The following WWTR1 variants were observed in gnomAD, a reference collection of about 807,000 sequenced individuals.
WWTR1 encodes WW domain containing transcription regulator 1.
In WWTR1, 13 loss-of-function variants were observed where a neutral mutation model predicts 40.1. That is an observed-to-expected ratio of 0.32 (90% confidence interval 0.21 to 0.52). WWTR1 has a LOEUF of 0.52. Among genes scored for constraint, WWTR1 ranks in the 20% least tolerant of loss-of-function variants. The pLI is 0.97. For synonymous variants in WWTR1, 230 were observed against 210.1 expected (o/e 1.09, Z -0.82); for missense variants, 436 against 523.1 (o/e 0.83, Z 1.63).
intron 2 of WWTR1, among the ~76,000 whole-genome samples, chr3:149,641,859 A>G (rs563460822): frequency 6.6e-6 from 1 of 152,378 alleles, no homozygotes; most frequent in East Asian, 1.9e-4. Flanking sequence ...CCTTTGCTTG[A>G]GAACACAGCT....
chr3:149,697,493 T>C (rs895357119), intron 1 of WWTR1, among the ~76,000 whole-genome samples: 5 of 152,066 alleles, frequency 3.3e-5, no homozygotes, highest in Admixed American at 2.0e-4. Flanking sequence ...GAAGAATCAA[T>C]ATTGTTAATA....
chr3:149,654,002 G>A (rs1713055427), intron 2 of WWTR1, among the ~76,000 whole-genome samples: 1 of 152,090 alleles, frequency 6.6e-6, no homozygotes, highest in South Asian at 2.1e-4. Context: ...GGGCATGGTA[G>A]CTCATGCCTG....
chr3:149,560,787 A>C (rs1033691171), intron 3 of WWTR1, among the ~76,000 whole-genome samples: 1 of 152,218 alleles, frequency 6.6e-6, no homozygotes, highest in Non-Finnish European at 1.5e-5. Context: ...AATGAAATGC[A>C]TGACATGTAC....
At chr3:149,624,038 C>A (rs935765199) in intron 2 of WWTR1, among the ~76,000 whole-genome samples, 1 of 152,192 alleles carries the variant, frequency 6.6e-6, no homozygotes, top group Non-Finnish European at 1.5e-5. Context: ...CACTTCCCTT[C>A]GTCCGGCCAC....
rs1483362052 is a variant in WWTR1, at chr3:149,695,793, A to AT, written c.-108+7330_-108+7331insA. Reference sequence around the variant, plus strand: ...AAAAAAACAAGAAAAGAAAAGAAAAAAATATATATATATATATTTAAAAAA... The same window carrying AT: ...AAAAAAACAAGAAAAGAAAAGAAAAATAATATATATATATATATTTAAAAAA... On this transcript the variant is annotated intron_variant, in intron 1 of 7. Transcript: ENST00000465804. Among the ~76,000 whole-genome samples, 1,220 of 139,664 alleles carry AT rather than the reference A, an allele frequency of 8.7e-3. 5 individuals are homozygous for AT. Among genetic ancestry groups the AT allele is most frequent in the East Asian group, 0.041 (194 of 4,752 alleles). The allele number at this position is 139,664 out of a possible 152,430, so 91.6% of individuals were successfully genotyped here. A position where few individuals can be genotyped will look rare whatever the true frequency, so the allele number is the denominator to read the frequency against.
intron 2 of WWTR1, among the ~76,000 whole-genome samples, chr3:149,581,043 A>T (rs1032990742): frequency 6.6e-6 from 1 of 152,228 alleles, no homozygotes; most frequent in Non-Finnish European, 1.5e-5. Flanking sequence ...ATAGCTCTTC[A>T]CATGGTTGAA....
intron 3 of WWTR1, among the ~76,000 whole-genome samples, chr3:149,570,009 T>C (rs1737543221): frequency 6.6e-6 from 1 of 152,214 alleles, no homozygotes; most frequent in Non-Finnish European, 1.5e-5. Flanking sequence ...TTTAAAGATA[T>C]ATAATAAAGA....
intron 2 of WWTR1, among the ~76,000 whole-genome samples, chr3:149,663,525 G>A (rs982385415): frequency 8.6e-5 from 13 of 151,720 alleles, no homozygotes; most frequent in Non-Finnish European, 1.6e-4. Flanking sequence ...GTGAAACCCC[G>A]TTTCTACTAA....
At chr3:149,564,324 CTA>C (rs1737211025) in intron 3 of WWTR1, among the ~76,000 whole-genome samples, 1 of 152,184 alleles carries the variant, frequency 6.6e-6, no homozygotes, top group South Asian at 2.1e-4. Context: ...ATCTTAGAGA[CTA>C]GTGAATAATC....
intron 2 of WWTR1, among the ~76,000 whole-genome samples, chr3:149,645,804 T>TA (rs1712487677): frequency 6.6e-6 from 1 of 152,080 alleles, no homozygotes; most frequent in Non-Finnish European, 1.5e-5. Context: ...TATTTTTTTT[T>TA]TAAATAAACA....
intron 2 of WWTR1, among the ~76,000 whole-genome samples, chr3:149,664,000 C>T (rs1489881957): frequency 6.6e-6 from 1 of 152,240 alleles, no homozygotes. Flanking sequence ...GTGGATTTTG[C>T]CCCTGCTATT....
At position 149,552,107 on chromosome 3, in the gene WWTR1, G is replaced by T. The variant is rs1396396917; in HGVS notation, c.569-9570C>A. Among the ~76,000 whole-genome samples, 2 of 145,406 alleles carry T rather than the reference G, an allele frequency of 1.4e-5. 1 individual carries two copies. The highest frequency in any genetic ancestry group is 3.0e-5 in the Non-Finnish European group (2 of 66,338). On this transcript the variant is annotated intron_variant, in intron 3 of 6. Coordinates refer to ENST00000360632, the MANE Select transcript of WWTR1 (RefSeq NM_015472.6). ...GGACTCCTGGTTGAGCCATACATCT[G>T]AAGTAAAGCTCTTTTAAGAAACATT...
intron 2 of WWTR1, among the ~76,000 whole-genome samples, chr3:149,612,155 A>C (rs1460794388): frequency 6.6e-6 from 1 of 152,204 alleles, no homozygotes; most frequent in East Asian, 1.9e-4. Context: ...AAATTCTGAT[A>C]ATCAAACACC....
intron 1 of WWTR1, among the ~76,000 whole-genome samples, chr3:149,685,768 A>G (rs961487196): frequency 6.6e-6 from 1 of 152,196 alleles, no homozygotes; most frequent in Non-Finnish European, 1.5e-5. Context: ...CATACTCAAC[A>G]TCATTAGCAG....
chr3:149,707,821 C>T (rs1715368999), upstream of WWTR1, among the ~76,000 whole-genome samples: 2 of 151,052 alleles, frequency 1.3e-5, no homozygotes, highest in Admixed American at 1.3e-4. Context: ...ATAGTCTCTA[C>T]CGCCTGCTCA....
At chr3:149,668,106 T>C (rs1211844788) in intron 2 of WWTR1, among the ~76,000 whole-genome samples, 1 of 152,184 alleles carries the variant, frequency 6.6e-6, no homozygotes, top group Non-Finnish European at 1.5e-5. Context: ...TCTATAAAAA[T>C]AATACTGGTT....
At chr3:149,648,715 G>T (rs1006158089) in intron 2 of WWTR1, among the ~76,000 whole-genome samples, 4 of 152,194 alleles carry the variant, frequency 2.6e-5, no homozygotes, top group African/African-American at 7.2e-5. Context: ...CAGACATTCT[G>T]TACAGCTGCA....
At chr3:149,663,524 C>T (rs969615526) in intron 2 of WWTR1, among the ~76,000 whole-genome samples, 2 of 151,858 alleles carry the variant, frequency 1.3e-5, no homozygotes, top group South Asian at 2.1e-4. Flanking sequence ...GGTGAAACCC[C>T]GTTTCTACTA....
rs949242706 is a variant in WWTR1, at chr3:149,614,970, C to T, written c.431+41906G>A. 5.3e-5 allele frequency among the ~76,000 whole-genome samples: 8 copies of T among 150,370 alleles called. No individual in the cohort carries two copies. The South Asian group carries it at 1.7e-3, about 32-fold the overall frequency. Reference sequence around the variant, plus strand: ...TGTACTCCAGCCTGGGAGACAAGAGCAAAACTCTGTCTCAAAAAAAAAAAG... The same window carrying T: ...TGTACTCCAGCCTGGGAGACAAGAGTAAAACTCTGTCTCAAAAAAAAAAAG... On this transcript the variant is annotated intron_variant, in intron 2 of 6. Transcript: ENST00000360632.
Sources: allele counts gnomAD v4.1 joint callset (sites outside exome capture counted in the v4.1 genomes callset), GRCh38; gene constraint gnomAD v4.1.1; transcripts MANE v1.5; gene names NCBI Gene and HGNC (gene_info 2026-07-23, HGNC 2026-07-21).